FGF14: variants seen among roughly 807,000 people sequenced by gnomAD.
The protein encoded by FGF14 is fibroblast growth factor homologous factor 4.
In FGF14, 5 loss-of-function variants were observed where a neutral mutation model predicts 25.5. The ratio of observed to expected loss-of-function variants is 0.20; its 90% CI spans 0.10 to 0.41. The LOEUF is 0.41. Among genes scored for constraint, FGF14 ranks in the 10% least tolerant of loss-of-function variants. The pLI, the probability that FGF14 is intolerant of heterozygous loss-of-function variation, is 1.00. For missense variants in FGF14, 222 were observed against 320.1 expected (o/e 0.69, Z 2.34); for synonymous variants, 138 against 118.3 (o/e 1.17, Z -1.08).
chr13:101,952,747 G>A (rs1351919190), intron 1 of FGF14, among the ~76,000 whole-genome samples: 1 of 152,092 alleles, frequency 6.6e-6, no homozygotes, highest in African/African-American at 2.4e-5. Flanking sequence ...AAATGTCTTG[G>A]AGGTCAGGTG....
intron 1 of FGF14, among the ~76,000 whole-genome samples, chr13:102,231,555 T>A (rs1321377600): frequency 6.6e-6 from 1 of 152,230 alleles, no homozygotes; most frequent in East Asian, 1.9e-4. Flanking sequence ...AATATACTAA[T>A]TATGCTATTT....
intron 1 of FGF14, among the ~76,000 whole-genome samples, chr13:102,332,310 T>C (rs2056657412): frequency 6.6e-6 from 1 of 152,168 alleles, no homozygotes; most frequent in African/African-American, 2.4e-5. Context: ...GAGTTGACTG[T>C]CCATTTCCCC....
intron 1 of FGF14, among the ~76,000 whole-genome samples, chr13:102,315,145 T>C (rs2055959531): frequency 6.6e-6 from 1 of 152,084 alleles, no homozygotes; most frequent in African/African-American, 2.4e-5. Context: ...GTGAATATTA[T>C]ATCACACACA....
At chr13:101,999,320 G>A (rs1054755425) in intron 1 of FGF14, among the ~76,000 whole-genome samples, 2 of 152,198 alleles carry the variant, frequency 1.3e-5, no homozygotes, top group African/African-American at 4.8e-5. Flanking sequence ...GCAATGTGTA[G>A]AGACTGGGTT....
At chr13:102,155,978 A>G (rs1455707878) in intron 1 of FGF14, among the ~76,000 whole-genome samples, 1 of 152,220 alleles carries the variant, frequency 6.6e-6, no homozygotes, top group Non-Finnish European at 1.5e-5. Context: ...GAATCTCTGA[A>G]TAGACCAATA....
chr13:102,174,135 CTTTTT>C (rs35882587), intron 1 of FGF14, among the ~76,000 whole-genome samples: 1 of 129,414 alleles, frequency 7.7e-6, no homozygotes, highest in Non-Finnish European at 1.6e-5. Flanking sequence ...ATCAGCATTT[CTTTTT>C]TTTTTTTTTT....
intron 1 of FGF14, among the ~76,000 whole-genome samples, chr13:102,099,550 C>T (rs866143090): frequency 1.3e-5 from 2 of 152,034 alleles, no homozygotes; most frequent in South Asian, 2.1e-4. Flanking sequence ...ATTCTTATAA[C>T]CATCTGCTGG....
chr13:101,868,576 T>C, intron 3 of FGF14, 149 bp downstream of exon 3: 1 of 694,146 alleles, frequency 1.4e-6, no homozygotes, highest in Admixed American at 2.0e-5. Flanking sequence ...TGGTGAATAA[T>C]AAACAGCTTC....
intron 1 of FGF14, among the ~76,000 whole-genome samples, chr13:102,008,664 G>A (rs1422189016): frequency 6.6e-6 from 1 of 151,376 alleles, no homozygotes; most frequent in Admixed American, 6.6e-5. Context: ...TTTTTTTATT[G>A]CTCTCTTGAA....
chr13:101,722,637 C>G lies in FGF14; in HGVS notation c.*194G>C. On this transcript the variant is annotated 3_prime_UTR_variant, in exon 5 of 5. Coordinates refer to ENST00000376143, the MANE Select transcript of FGF14 (RefSeq NM_004115.4). ...CATGGTCTGAGTTTAGCTGGTTATC[C>G]AGGTGTCTTCTTGTTGTGGGGGGTG... 1 of 674,664 alleles carries G rather than the reference C, an allele frequency of 1.5e-6. No homozygotes were observed. The highest frequency in any genetic ancestry group is 1.8e-5 in the South Asian group (1 of 55,020). The allele number at this position is 674,664 out of a possible 1,614,324, so 41.8% of individuals were successfully genotyped here.
chr13:102,035,402 C>A (rs115165203), intron 1 of FGF14, among the ~76,000 whole-genome samples: 3,777 of 152,166 alleles, frequency 0.025, 175 homozygotes, highest in African/African-American at 0.086. Context: ...TCAACCCTTG[C>A]CCTATCTGTC....
At chr13:102,043,995 CTA>C (rs2041863905) in intron 1 of FGF14, among the ~76,000 whole-genome samples, 1 of 152,230 alleles carries the variant, frequency 6.6e-6, no homozygotes, top group East Asian at 1.9e-4. Context: ...CTCTGGGAAG[CTA>C]TGAGTGGAAC....
At chr13:102,122,677 C>T (rs1594044273) in intron 1 of FGF14, among the ~76,000 whole-genome samples, 1 of 152,138 alleles carries the variant, frequency 6.6e-6, no homozygotes, top group Non-Finnish European at 1.5e-5. Context: ...CCCTACATGG[C>T]ATTTTCTCTA....
At chr13:101,987,024 C>T (rs1004734113) in intron 1 of FGF14, among the ~76,000 whole-genome samples, 7 of 151,970 alleles carry the variant, frequency 4.6e-5, no homozygotes, top group Non-Finnish European at 1.0e-4. Flanking sequence ...TTTCTTCCTA[C>T]CACTTCAACT....
chr13:102,054,306 A>G (rs997110179), intron 1 of FGF14, among the ~76,000 whole-genome samples: 4 of 151,482 alleles, frequency 2.6e-5, no homozygotes, highest in Non-Finnish European at 5.9e-5. Flanking sequence ...CAATATATTT[A>G]GAGGAGTTCC....
intron 1 of FGF14, among the ~76,000 whole-genome samples, chr13:101,993,079 C>T (rs2038990676): frequency 6.6e-6 from 1 of 151,530 alleles, no homozygotes; most frequent in Admixed American, 6.6e-5. Context: ...AAAGAAGCCA[C>T]AGTGGGGAAA....
intron 1 of FGF14, among the ~76,000 whole-genome samples, chr13:101,961,954 T>C (rs901199035): frequency 6.6e-6 from 1 of 152,218 alleles, no homozygotes; most frequent in Non-Finnish European, 1.5e-5. Flanking sequence ...TATGCTGTTT[T>C]GGTTACTGTA....
intron 3 of FGF14, among the ~76,000 whole-genome samples, chr13:101,857,486 A>G (rs2044185307): frequency 6.6e-6 from 1 of 152,030 alleles, no homozygotes; most frequent in Non-Finnish European, 1.5e-5. Context: ...CAGAGATCTA[A>G]TATGTTTCTG....
chr13:101,999,320 G>C (rs1054755425), intron 1 of FGF14, among the ~76,000 whole-genome samples: 2 of 152,198 alleles, frequency 1.3e-5, no homozygotes, highest in Non-Finnish European at 2.9e-5. Flanking sequence ...GCAATGTGTA[G>C]AGACTGGGTT....
Sources: allele counts gnomAD v4.1 joint callset (sites outside exome capture counted in the v4.1 genomes callset), GRCh38; gene constraint gnomAD v4.1.1; transcripts MANE v1.5; gene names NCBI Gene and HGNC (gene_info 2026-07-23, HGNC 2026-07-21).